Variants in SLC25A48 observed in about 807,000 individuals in gnomAD.
SLC25A48 encodes the protein CTC-321K16.1.
Under a neutral mutation model 32.2 loss-of-function variants are expected in SLC25A48, and 29 were observed. The observed-to-expected ratio is 0.90, with a 90% CI of 0.67 to 1.23. The LOEUF (loss-of-function observed/expected upper bound fraction) is 1.23. Ranked by LOEUF, SLC25A48 falls within the 50% of genes most tolerant of loss-of-function variation. The pLI is 0.00. For missense variants in SLC25A48, 399 were observed against 422.7 expected (o/e 0.94, Z 0.49); for synonymous variants, 164 against 172.3 (o/e 0.95, Z 0.38).
chr5:135,880,856 A>T (rs1439849898), intron 7 of SLC25A48, among the ~76,000 whole-genome samples: 1 of 152,064 alleles, frequency 6.6e-6, no homozygotes, highest in Admixed American at 6.5e-5. Context: ...GCTCTTTGCC[A>T]TCCAGGCTGT....
chr5:135,769,062 C>A (rs1363185535), intron 3 of SLC25A48, among the ~76,000 whole-genome samples: 2 of 151,524 alleles, frequency 1.3e-5, no homozygotes, highest in East Asian at 1.9e-4. Flanking sequence ...ATATTACTCC[C>A]AGTATTGCAG....
At chr5:135,658,966 C>A (rs958187566) in intron 3 of SLC25A48, among the ~76,000 whole-genome samples, 1 of 152,224 alleles carries the variant, frequency 6.6e-6, no homozygotes, top group Non-Finnish European at 1.5e-5. Flanking sequence ...TGCCTCTAGA[C>A]CCGTGATGGG....
At chr5:135,734,382 C>T (rs187491645) in intron 3 of SLC25A48, among the ~76,000 whole-genome samples, 3 of 152,148 alleles carry the variant, frequency 2.0e-5, no homozygotes, top group Admixed American at 1.3e-4. Context: ...AAAAAGACTT[C>T]ATAAAAGAAT....
chr5:135,843,061 T>G (rs967028875), intron 2 of SLC25A48, among the ~76,000 whole-genome samples: 1 of 152,202 alleles, frequency 6.6e-6, no homozygotes, highest in Non-Finnish European at 1.5e-5. Context: ...CCCATCTTGC[T>G]CCCTGTATGA....
chr5:135,706,205 A>G (rs930741912), intron 3 of SLC25A48, among the ~76,000 whole-genome samples: 1 of 152,170 alleles, frequency 6.6e-6, no homozygotes, highest in African/African-American at 2.4e-5. Context: ...CTGGGCAGCC[A>G]GGAGGGAGAT....
At chr5:135,865,200 G>A (rs1460934482) in intron 4 of SLC25A48, among the ~76,000 whole-genome samples, 1 of 152,208 alleles carries the variant, frequency 6.6e-6, no homozygotes, top group Non-Finnish European at 1.5e-5. Flanking sequence ...ACATTAAGTA[G>A]CAACTGAATA....
At chr5:135,775,381 G>A (rs755382774) in intron 3 of SLC25A48, among the ~76,000 whole-genome samples, 4 of 151,564 alleles carry the variant, frequency 2.6e-5, no homozygotes, top group Non-Finnish European at 1.5e-5. Context: ...AATATCAAGT[G>A]GGGGAGAGGA....
At chr5:135,826,363 G>C (rs1162893529) in intron 4 of SLC25A48, 2 of 152,454 alleles carry the variant, frequency 1.3e-5, no homozygotes, top group African/African-American at 4.8e-5. Flanking sequence ...TCTCCTAGCT[G>C]GAAAAACTGC....
At chr5:135,779,523 TG>T (rs1756668902) in intron 3 of SLC25A48, among the ~76,000 whole-genome samples, 1 of 58,040 alleles carries the variant, frequency 1.7e-5, no homozygotes, top group East Asian at 3.3e-4. Context: ...GGGGTGTACA[TG>T]CCCCCCTGTG....
At chr5:135,830,478 C>T (rs1758175908), upstream of SLC25A48, among the ~76,000 whole-genome samples, 1 of 152,186 alleles carries the variant, frequency 6.6e-6, no homozygotes, top group South Asian at 2.1e-4. Context: ...CCAGCTTTCC[C>T]GCCAGCTGCT....
Position 135,600,841 on chromosome 5 carries a change from C to A in SLC25A48, c.-849+21244C>A, listed in dbSNP as rs541854545. ...GGGACTACAGGTACGTGCCACCATG[C>A]CCGGGTATTTTTTTTTTTTTTTGTA... is the stretch of plus-strand genomic sequence containing the variant. On this transcript the variant is annotated intron_variant, in intron 1 of 10. Transcript: ENST00000646290. Among the ~76,000 whole-genome samples, 1,027 of 125,524 alleles carry A rather than the reference C, an allele frequency of 8.2e-3. 17 individuals are homozygous for A. The highest frequency in any genetic ancestry group is 0.031 in the African/African-American group (993 of 31,634). The allele number at this position is 125,524 out of a possible 152,430, so 82.3% of individuals were successfully genotyped here.
chr5:135,879,881 G>A, intron 6 of SLC25A48, 87 bp from the exon 7 acceptor site: 1 of 1,488,926 alleles, frequency 6.7e-7, no homozygotes, highest in South Asian at 1.3e-5. Context: ...TGGGTAGGCA[G>A]CACCACTAGC....
At chr5:135,681,885 T>C (rs1292000788) in intron 3 of SLC25A48, among the ~76,000 whole-genome samples, 1 of 152,212 alleles carries the variant, frequency 6.6e-6, no homozygotes, top group Non-Finnish European at 1.5e-5. Flanking sequence ...CACTCTGGCA[T>C]AGGAACATAA....
At chr5:135,798,659 G>A (rs1757245938) in intron 3 of SLC25A48, among the ~76,000 whole-genome samples, 1 of 151,452 alleles carries the variant, frequency 6.6e-6, no homozygotes, top group African/African-American at 2.4e-5. Context: ...AATATCAGAA[G>A]GTGAGAGGAT....
intron 4 of SLC25A48, among the ~76,000 whole-genome samples, chr5:135,818,465 C>G (rs1191360000): frequency 6.6e-6 from 1 of 152,162 alleles, no homozygotes; most frequent in Non-Finnish European, 1.5e-5. Flanking sequence ...ATCCTAATTG[C>G]TAAATAATGC....
intron 7 of SLC25A48, among the ~76,000 whole-genome samples, chr5:135,884,760 G>A (rs7737845): frequency 0.13 from 19,995 of 152,064 alleles, 1,524 homozygotes; most frequent in African/African-American, 0.21. Context: ...TTCCCGGTGC[G>A]AGGCATGCTT....
intron 7 of SLC25A48, among the ~76,000 whole-genome samples, chr5:135,880,498 C>A (rs1762388855): frequency 6.6e-6 from 1 of 152,192 alleles, no homozygotes; most frequent in Admixed American, 6.5e-5. Flanking sequence ...CCCTACTGAA[C>A]TGCACAGCCT....
intron 3 of SLC25A48, chr5:135,650,581 C>A: frequency 4.8e-6 from 1 of 208,182 alleles, no homozygotes; most frequent in Non-Finnish European, 9.7e-6. Context: ...AACAACAGAA[C>A]TCTTTCTTTC....
At chr5:135,788,738 C>T (rs1408447402) in intron 3 of SLC25A48, among the ~76,000 whole-genome samples, 1 of 150,422 alleles carries the variant, frequency 6.6e-6, no homozygotes, top group Non-Finnish European at 1.5e-5. Flanking sequence ...GAGGTGTACA[C>T]CCCCCTGCCA....
Sources: allele counts gnomAD v4.1 joint callset (sites outside exome capture counted in the v4.1 genomes callset), GRCh38; gene constraint gnomAD v4.1.1; transcripts MANE v1.5; gene names NCBI Gene and HGNC (gene_info 2026-07-23, HGNC 2026-07-21).